The following LOC102723971 variants were observed in gnomAD, a reference collection of about 807,000 sequenced individuals.
chr9:135,616,372 C>T, the LOC102723971 span, among the ~76,000 whole-genome samples: 1 of 152,216 alleles, frequency 6.6e-6, no homozygotes, highest in East Asian at 1.9e-4. Context: ...TGGGCATCGC[C>T]ACCTCCTGGC....
chr9:135,616,975 G>A, the LOC102723971 span: 5 of 398,514 alleles, frequency 1.3e-5, no homozygotes, highest in Non-Finnish European at 2.2e-5. Context: ...CTTTACGTGC[G>A]CTTTGAGGAT....
At chr9:135,616,510 G>A in the LOC102723971 span, 7 of 398,036 alleles carry the variant, frequency 1.8e-5, no homozygotes, top group Non-Finnish European at 3.1e-5. Flanking sequence ...GCCCTGAGAG[G>A]GCCACCACGT....
At chr9:135,614,328 A>G in the LOC102723971 span, 1 of 398,458 alleles carries the variant, frequency 2.5e-6, no homozygotes, top group Non-Finnish European at 4.4e-6. Context: ...GTACCGGTAC[A>G]GCCGGGCTTC....
At chr9:135,617,636 G>A in the LOC102723971 span, among the ~76,000 whole-genome samples, 1 of 152,170 alleles carries the variant, frequency 6.6e-6, no homozygotes, top group Non-Finnish European at 1.5e-5. Context: ...ACTCTCTGGG[G>A]GTCTCCACTG....
the LOC102723971 span, chr9:135,616,670 C>T: frequency 1.8e-5 from 7 of 398,572 alleles, no homozygotes; most frequent in Non-Finnish European, 3.1e-5. Context: ...TGTGAGTGCC[C>T]CTGTCCGGGA....
At chr9:135,615,418 C>G in the LOC102723971 span, 2 of 398,760 alleles carry the variant, frequency 5.0e-6, no homozygotes, top group African/African-American at 4.1e-5. Context: ...ACCTGGTCTC[C>G]CCGGCCGACC....
chr9:135,617,282 C>T, the LOC102723971 span, among the ~76,000 whole-genome samples: 5 of 152,248 alleles, frequency 3.3e-5, no homozygotes, highest in African/African-American at 4.8e-5. Flanking sequence ...TTGCTCTGGG[C>T]GCTGCACTGG....
At chr9:135,619,016 C>A in the LOC102723971 span, 1 of 403,248 alleles carries the variant, frequency 2.5e-6, no homozygotes. Flanking sequence ...TGCCCTCAGC[C>A]TCCCTTCCAC....
the LOC102723971 span, chr9:135,614,427 GT>G: frequency 2.5e-6 from 1 of 392,600 alleles, no homozygotes; most frequent in Non-Finnish European, 4.5e-6. Flanking sequence ...GGTGCAGGGG[GT>G]GGGGCAGACA....
chr9:135,619,334 T>C, the LOC102723971 span, among the ~76,000 whole-genome samples: 6 of 152,076 alleles, frequency 3.9e-5, no homozygotes, highest in Non-Finnish European at 7.4e-5. Flanking sequence ...CCAAAACTTA[T>C]ACAATGAGTG....
chr9:135,614,203 G>C, the LOC102723971 span: 251 of 398,556 alleles, frequency 6.3e-4, 2 homozygotes, highest in Middle Eastern at 6.3e-4. Context: ...GCGCAGAGGA[G>C]GGAGCTGGCT....
the LOC102723971 span, chr9:135,618,863 T>G: frequency 2.5e-6 from 1 of 398,548 alleles, no homozygotes; most frequent in African/African-American, 2.1e-5. Context: ...ATTGATTTAC[T>G]GATTGATTGA....
chr9:135,614,331 C>T, the LOC102723971 span: 8 of 398,138 alleles, frequency 2.0e-5, no homozygotes, highest in African/African-American at 4.1e-5. Context: ...CCGGTACAGC[C>T]GGGCTTCAAT....
At chr9:135,614,273 G>GC in the LOC102723971 span, 1 of 398,770 alleles carries the variant, frequency 2.5e-6, no homozygotes, top group South Asian at 1.3e-4. Flanking sequence ...CCTGCTGCTG[G>GC]CCCTTGGCCT....
the LOC102723971 span, among the ~76,000 whole-genome samples, chr9:135,617,691 G>GTT: frequency 6.6e-5 from 10 of 152,136 alleles, no homozygotes; most frequent in African/African-American, 2.4e-4. Flanking sequence ...CATTTTACCT[G>GTT]CCGTGCTCAG....
At chr9:135,616,347 A>C in the LOC102723971 span, among the ~76,000 whole-genome samples, 1 of 152,152 alleles carries the variant, frequency 6.6e-6, no homozygotes, top group Non-Finnish European at 1.5e-5. Context: ...CTCCAGTCCC[A>C]TCCCCAGCAC....
the LOC102723971 span, among the ~76,000 whole-genome samples, chr9:135,616,110 C>T: frequency 6.6e-6 from 1 of 152,162 alleles, no homozygotes; most frequent in Admixed American, 6.5e-5. Context: ...CTGAAGACCC[C>T]GGAGCAAGGG....
At chr9:135,618,713 G>A in the LOC102723971 span, among the ~76,000 whole-genome samples, 23 of 151,882 alleles carry the variant, frequency 1.5e-4, no homozygotes, top group Admixed American at 1.2e-3. Context: ...CCAAGGCTGA[G>A]AGGGGCAGTG....
chr9:135,615,886 C>T, the LOC102723971 span, among the ~76,000 whole-genome samples: 6 of 152,360 alleles, frequency 3.9e-5, no homozygotes, highest in East Asian at 1.2e-3. Context: ...CAGGGAATCC[C>T]GAGGACGGCT....
Sources: allele counts gnomAD v4.1 joint callset (sites outside exome capture counted in the v4.1 genomes callset), GRCh38; gene constraint gnomAD v4.1.1; transcripts MANE v1.5.